The following LY86 variants were observed in gnomAD, a reference collection of about 807,000 sequenced individuals.
LY86 encodes lymphocyte antigen 86, also known as MD-1, RP105-associated.
In LY86, 20 loss-of-function variants were observed where a neutral mutation model predicts 17.3. The ratio of observed to expected loss-of-function variants is 1.15; its 90% CI spans 0.81 to 1.68. The LOEUF (loss-of-function observed/expected upper bound fraction) is 1.68, where lower values mean the gene tolerates loss of function less well. Ranked by LOEUF, LY86 falls within the 40% of genes most tolerant of loss-of-function variation. LY86 has a pLI of 0.00. For missense variants in LY86, 200 were observed against 191.9 expected, an observed-to-expected ratio of 1.04 and a Z score of -0.25; for synonymous variants, 74 against 70.6, an observed-to-expected ratio of 1.05 and a Z score of -0.24.
intron 3 of LY86, among the ~76,000 whole-genome samples, chr6:6,627,055 C>T (rs76080998): frequency 0.039 from 5,944 of 152,226 alleles, 140 homozygotes; most frequent in Middle Eastern, 0.068. Flanking sequence ...TCTTTACCCA[C>T]AGCTTCACCA....
chr6:6,612,274 G>C (rs549355597), intron 1 of LY86, among the ~76,000 whole-genome samples: 13 of 152,092 alleles, frequency 8.5e-5, no homozygotes, highest in African/African-American at 3.1e-4. Context: ...GATGTGTTCT[G>C]AGTTTCTTTC....
At chr6:6,653,523 G>A (rs1016858950) in intron 4 of LY86, among the ~76,000 whole-genome samples, 2 of 152,160 alleles carry the variant, frequency 1.3e-5, no homozygotes, top group African/African-American at 4.8e-5. Context: ...AACAAAACCA[G>A]AATGGCTCTT....
At chr6:6,616,014 A>G (rs1761545608) in intron 1 of LY86, among the ~76,000 whole-genome samples, 1 of 152,238 alleles carries the variant, frequency 6.6e-6, no homozygotes, top group Non-Finnish European at 1.5e-5. Context: ...CTTCTTTCTA[A>G]TAGACTCCAT....
intron 1 of LY86, among the ~76,000 whole-genome samples, chr6:6,595,765 T>C (rs1760693924): frequency 6.6e-6 from 1 of 152,200 alleles, no homozygotes; most frequent in Non-Finnish European, 1.5e-5. Context: ...TATTTTATAG[T>C]CAGAGCCCTC....
chr6:6,639,599 C>T (rs1358955782), intron 3 of LY86, among the ~76,000 whole-genome samples: 1 of 152,162 alleles, frequency 6.6e-6, no homozygotes, highest in African/African-American at 2.4e-5. Context: ...CCCGTAGTGG[C>T]ATCACTCTAC....
intron 3 of LY86, among the ~76,000 whole-genome samples, chr6:6,638,326 A>T (rs1761989835): frequency 6.6e-6 from 1 of 152,264 alleles, no homozygotes; most frequent in African/African-American, 2.4e-5. Flanking sequence ...TACTAAATTA[A>T]TTTCACTTAT....
chr6:6,645,276 T>C (rs971640852), intron 3 of LY86, among the ~76,000 whole-genome samples: 1 of 152,208 alleles, frequency 6.6e-6, no homozygotes, highest in African/African-American at 2.4e-5. Flanking sequence ...TCCATTCTGT[T>C]ACTGTTTTTC....
At position 6,646,550 on chromosome 6, in the gene LY86, A is replaced by T. The variant is rs528823566; in HGVS notation, c.353-3075A>T. On this transcript the variant is annotated intron_variant, in intron 3 of 4. Transcript: ENST00000230568. The stretch of plus-strand genomic sequence containing the variant: ...CCTGGATATCTTACAGCCTGTAAAA[A>T]TGCACCCTTTCTGAAATCTAAATGC... 2.0e-5 allele frequency among the ~76,000 whole-genome samples: 3 copies of T among 152,276 alleles called. No individual in the cohort carries two copies. In the South Asian group the frequency reaches 6.2e-4, roughly 32 times the overall value.
At chr6:6,614,547 A>G (rs1761501371) in intron 1 of LY86, among the ~76,000 whole-genome samples, 1 of 151,980 alleles carries the variant, frequency 6.6e-6, no homozygotes, top group Admixed American at 6.5e-5. Context: ...ACATCTGCCC[A>G]GCTCTGCTGT....
At chr6:6,592,689 A>G (rs967332446) in intron 1 of LY86, among the ~76,000 whole-genome samples, 1 of 152,094 alleles carries the variant, frequency 6.6e-6, no homozygotes, top group African/African-American at 2.4e-5. Context: ...TCTTAAAAGA[A>G]GAGGCCAGAG....
chr6:6,606,198 C>T (rs959957796), intron 1 of LY86, among the ~76,000 whole-genome samples: 2 of 152,076 alleles, frequency 1.3e-5, no homozygotes, highest in Non-Finnish European at 2.9e-5. Context: ...GACACAAAGG[C>T]TCTCCACCTC....
chr6:6,612,934 A>G (rs144378056), intron 1 of LY86, among the ~76,000 whole-genome samples: 2,282 of 151,646 alleles, frequency 0.015, 70 homozygotes, highest in African/African-American at 0.053. Flanking sequence ...CAGAGTGCCA[A>G]TTGGTGCATT....
At chr6:6,598,255 GCAGA>G (rs66755678) in intron 1 of LY86, among the ~76,000 whole-genome samples, 2,280 of 152,174 alleles carry the variant, frequency 0.015, 48 homozygotes, top group African/African-American at 0.05. Context: ...AATTTCAAAA[GCAGA>G]CAAAGCACAA....
intron 1 of LY86, among the ~76,000 whole-genome samples, chr6:6,615,719 C>CAAAAAAAA (rs373207405): frequency 1.1e-5 from 1 of 91,738 alleles, no homozygotes; most frequent in Non-Finnish European, 2.1e-5. Flanking sequence ...GATGTTGTCT[C>CAAAAAAAA]AAAAAAAAAA....
chr6:6,653,459 A>G (rs1762216321), intron 4 of LY86, among the ~76,000 whole-genome samples: 1 of 152,180 alleles, frequency 6.6e-6, no homozygotes, highest in African/African-American at 2.4e-5. Context: ...TCGTGTCTAC[A>G]AACACATCAC....
chr6:6,633,113 GT>G (rs1182491626), intron 3 of LY86, among the ~76,000 whole-genome samples: 1 of 152,200 alleles, frequency 6.6e-6, no homozygotes, highest in Non-Finnish European at 1.5e-5. Context: ...CCAAAATTTG[GT>G]TGTAAGATGT....
chr6:6,645,422 G>T (rs4960225), intron 3 of LY86, among the ~76,000 whole-genome samples: 1 of 152,034 alleles, frequency 6.6e-6, no homozygotes, highest in South Asian at 2.1e-4. Context: ...TTGCTATTTC[G>T]ATTTGCAAGC....
intron 1 of LY86, among the ~76,000 whole-genome samples, chr6:6,597,293 G>T (rs1174131597): frequency 1.3e-5 from 2 of 152,204 alleles, no homozygotes; most frequent in African/African-American, 4.8e-5. Context: ...GAACCTGACA[G>T]CACCAGGTGC....
At chr6:6,620,400 T>C (rs1761645717) in intron 1 of LY86, among the ~76,000 whole-genome samples, 2 of 152,046 alleles carry the variant, frequency 1.3e-5, no homozygotes, top group Non-Finnish European at 2.9e-5. Context: ...TGTGTAAGAG[T>C]TGGGCCCTCC....
Sources: gnomAD v4.1 joint callset for allele counts (sites outside exome capture counted in the v4.1 genomes callset) on GRCh38, gnomAD v4.1.1 for gene constraint, MANE v1.5 for transcripts, NCBI Gene and HGNC (gene_info 2026-07-23, HGNC 2026-07-21) for gene names.